The following RIPOR2 variants were observed in gnomAD, a reference collection of about 807,000 sequenced individuals.
RIPOR2 encodes RHO family interacting cell polarization regulator 2, also known as rho family-interacting cell polarization regulator 2.
RIPOR2 carries 39 observed loss-of-function variants against 114.5 expected under a neutral mutation model. That is an observed-to-expected ratio of 0.34 (90% CI 0.26 to 0.44). The LOEUF (loss-of-function observed/expected upper bound fraction) is 0.44. Among genes scored for constraint, RIPOR2 ranks in the 20% least tolerant of loss-of-function variants. RIPOR2 has a pLI of 1.00. For missense variants in RIPOR2, 1,007 were observed against 1,255.1 expected (o/e 0.80, Z 2.99); for synonymous variants, 445 against 484.4 (o/e 0.92, Z 1.07).
chr6:24,848,316 T>C (rs1762523776), intron 11 of RIPOR2, among the ~76,000 whole-genome samples, 162 bp from the exon 12 acceptor site: 1 of 151,974 alleles, frequency 6.6e-6, no homozygotes, highest in South Asian at 2.1e-4. Flanking sequence ...TAAACCTGGA[T>C]AAAAGAAAAG....
At chr6:24,829,819 G>T (rs1233954689) in intron 17 of RIPOR2, among the ~76,000 whole-genome samples, 1 of 152,126 alleles carries the variant, frequency 6.6e-6, no homozygotes, top group Non-Finnish European at 1.5e-5. Context: ...GAATGAATGT[G>T]CTGGATCCAA....
At chr6:24,976,405 G>T (rs552184223) in intron 1 of RIPOR2, 6 of 1,493,542 alleles carry the variant, frequency 4.0e-6, no homozygotes, top group Non-Finnish European at 4.6e-6. Context: ...GAGGAAAACC[G>T]TGTGCTATTA....
At chr6:24,837,355 CAA>C (rs1562237300) in intron 14 of RIPOR2, among the ~76,000 whole-genome samples, 1 of 152,076 alleles carries the variant, frequency 6.6e-6, no homozygotes, top group East Asian at 1.9e-4. Flanking sequence ...ACTCTGACCT[CAA>C]GTGATTCACC....
At chr6:25,007,074 C>A (rs978451158) in intron 1 of RIPOR2, among the ~76,000 whole-genome samples, 43 of 152,174 alleles carry the variant, frequency 2.8e-4, no homozygotes, top group African/African-American at 9.2e-4. Context: ...TTAACTTCAC[C>A]AAGTTTCTGC....
chr6:25,014,119 G>A (rs1217702395), intron 1 of RIPOR2, among the ~76,000 whole-genome samples: 3 of 152,128 alleles, frequency 2.0e-5, no homozygotes, highest in African/African-American at 7.2e-5. Flanking sequence ...ATTCCCAGAG[G>A]GAAACAGAAT....
In RIPOR2 at chr6:24,820,234, C is replaced by T. The variant is rs1317014724; in HGVS notation, c.2869-1609G>A. Among the ~76,000 whole-genome samples the T allele has an allele frequency of 5.3e-5, 8 of 151,610 alleles. No individual in the cohort carries two copies. In the South Asian group the frequency reaches 8.4e-4, roughly 16 times the overall value. On this transcript the variant is annotated intron_variant, in intron 19 of 21. Transcript: ENST00000643898. ...TTTTAGTAGAGACAGGGTTTCACCA[C>T]GTTGGCCAGGCTGATCTCAAACTCC... is the stretch of plus-strand genomic sequence containing the variant.
At chr6:24,947,853 C>T (rs1413504967) in intron 1 of RIPOR2, 2 of 152,152 alleles carry the variant, frequency 1.3e-5, no homozygotes, top group Non-Finnish European at 2.9e-5. Context: ...TAAGTTAACT[C>T]TCGCATGTTT....
chr6:24,847,524 C>T lies in RIPOR2; in HGVS notation c.1164+501G>A, dbSNP rs1288003006. 2.9e-5 allele frequency: 45 copies of T among 1,549,114 alleles called. No homozygotes were observed. Among genetic ancestry groups the T allele is most frequent in the Non-Finnish European group, 3.5e-5 (40 of 1,145,336 alleles). ...CCCCAGAAGTCAAGCACTCCATACC[C>T]GGGCAGGCCACACTCACATAGAGCT... On this transcript the variant is annotated intron_variant, in intron 12 of 21. Coordinates refer to ENST00000643898, the MANE Select transcript of RIPOR2 (RefSeq NM_001286445.3).
chr6:24,880,326 G>T (rs1416340261), intron 1 of RIPOR2, among the ~76,000 whole-genome samples: 1 of 152,136 alleles, frequency 6.6e-6, no homozygotes. Flanking sequence ...TGGCCACATG[G>T]AAAGATCCCC....
chr6:25,026,312 G>A (rs1222479227), intron 1 of RIPOR2, among the ~76,000 whole-genome samples: 2 of 152,172 alleles, frequency 1.3e-5, no homozygotes, highest in Non-Finnish European at 2.9e-5. Flanking sequence ...CTTTTGTCAC[G>A]TGTATAAATG....
upstream of RIPOR2, among the ~76,000 whole-genome samples, chr6:24,937,407 C>T (rs1451126534): frequency 6.6e-6 from 1 of 152,146 alleles, no homozygotes; most frequent in Non-Finnish European, 1.5e-5. Flanking sequence ...TAATGCCCAC[C>T]TTGAGACACA....
intron 20 of RIPOR2, among the ~76,000 whole-genome samples, chr6:24,810,058 C>G (rs144710502): frequency 2.5e-3 from 387 of 152,240 alleles, no homozygotes; most frequent in Middle Eastern, 0.014. Context: ...ACTATGTTGC[C>G]CAGGCTAGTC....
rs1341401566 is a variant in RIPOR2 at position 24,806,405 on chromosome 6, G to A, written c.3112C>T (p.Arg1038Cys). 12 of 1,551,266 alleles carry A rather than the reference G, an allele frequency of 7.7e-6. No homozygotes were observed. The highest frequency in any genetic ancestry group is 4.1e-5 in the African/African-American group (3 of 73,010). The change falls in exon 22 of 22, where the codon CGT becomes TGT. Residue 1038 changes from arginine (R) to cysteine (C), a missense_variant. Coordinates refer to ENST00000643898, the MANE Select transcript of RIPOR2 (RefSeq NM_001286445.3). Reference sequence around the variant, plus strand: ...GCTGTGGCAACTTCAGTTCCATGACGACCTCCGACTTTAACACAGTCTCGA... The same window carrying A: ...GCTGTGGCAACTTCAGTTCCATGACAACCTCCGACTTTAACACAGTCTCGA... ...FPRDCVKVGG[R>C]HGTEVATAF
intron 1 of RIPOR2, among the ~76,000 whole-genome samples, chr6:24,897,526 C>G (rs1768000575): frequency 1.3e-5 from 2 of 152,158 alleles, no homozygotes; most frequent in South Asian, 4.1e-4. Flanking sequence ...CAGGAAATGG[C>G]AAGTATCAAA....
Position 25,037,857 on chromosome 6 carries a change from G to T in RIPOR2, c.76+3994C>A, listed in dbSNP as rs1357130627. On this transcript the variant is annotated intron_variant, in intron 1 of 13. Coordinates refer to the RIPOR2 transcript ENST00000510784. This position sits in a 1 kb window ranked among gnomAD's most constrained non-coding sequence, Gnocchi z 4.5. ...TTACTAAGGGTTACAGGCATGCAGAGCTTATTAAGGATTTGTTCTCACCTG... is the reference window on the plus strand; with the variant it reads ...TTACTAAGGGTTACAGGCATGCAGATCTTATTAAGGATTTGTTCTCACCTG... Among the ~76,000 whole-genome samples, 1 of 151,804 alleles carries T rather than the reference G, an allele frequency of 6.6e-6. No individual in the cohort carries two copies. Among genetic ancestry groups the T allele is most frequent in the Non-Finnish European group, 1.5e-5 (1 of 67,768 alleles).
chr6:24,872,815 C>T, intron 4 of RIPOR2, 66 bp downstream of exon 4: 1 of 1,048,296 alleles, frequency 9.5e-7, no homozygotes, highest in Non-Finnish European at 1.5e-6. Flanking sequence ...CCAGCCCCAT[C>T]CAGTAAAAGA....
intron 1 of RIPOR2, among the ~76,000 whole-genome samples, chr6:25,011,547 T>C (rs1386911261): frequency 6.6e-6 from 1 of 152,230 alleles, no homozygotes; most frequent in Non-Finnish European, 1.5e-5. Flanking sequence ...CTATAATGTG[T>C]GAGGGGAATT....
chr6:24,861,749 T>A (rs1764091183), intron 7 of RIPOR2, among the ~76,000 whole-genome samples: 1 of 152,368 alleles, frequency 6.6e-6, no homozygotes, highest in South Asian at 2.1e-4. Flanking sequence ...GGGTGAAATG[T>A]CATGATGTCT....
chr6:24,871,738 G>C (rs1195704366), intron 4 of RIPOR2, among the ~76,000 whole-genome samples: 2 of 152,216 alleles, frequency 1.3e-5, no homozygotes, highest in African/African-American at 4.8e-5. Flanking sequence ...TAGTATCATA[G>C]TATAATCAGT....
Sources: gnomAD v4.1 joint callset for allele counts (sites outside exome capture counted in the v4.1 genomes callset) on GRCh38, gnomAD v4.1.1 for gene constraint, Gnocchi (gnomAD v3.1) non-coding constraint, MANE v1.5 for transcripts, NCBI Gene and HGNC (gene_info 2026-07-23, HGNC 2026-07-21) for gene names.